Variants in VAV2 observed in about 807,000 individuals in gnomAD.
The protein encoded by VAV2 is guanine nucleotide exchange factor VAV2.
Under a neutral mutation model 132.5 loss-of-function variants are expected in VAV2, and 67 were observed. The observed-to-expected ratio is 0.51, with a 90% confidence interval of 0.42 to 0.62. The LOEUF (loss-of-function observed/expected upper bound fraction) is 0.62, where lower values mean the gene tolerates loss of function less well. Ranked by LOEUF, VAV2 falls within the 20% of genes least tolerant of loss-of-function variation. The probability of loss-of-function intolerance (pLI) is 0.00; values close to 1 mark genes in which losing one functional copy is unlikely to be tolerated. For synonymous variants in VAV2, 492 were observed against 443.5 expected, an observed-to-expected ratio of 1.11 and a Z score of -1.37; for missense variants, 938 against 1,153.6, an observed-to-expected ratio of 0.81 and a Z score of 2.71.
chr9:133,867,943 C>G (rs568218091), intron 2 of VAV2, among the ~76,000 whole-genome samples: 2 of 152,230 alleles, frequency 1.3e-5, no homozygotes, highest in South Asian at 4.1e-4. Flanking sequence ...ACACCGCCTA[C>G]AGGAATTGCT....
chr9:133,922,268 G>A (rs1046567507), intron 2 of VAV2, among the ~76,000 whole-genome samples: 23 of 152,360 alleles, frequency 1.5e-4, no homozygotes, highest in Admixed American at 2.0e-4. Context: ...ACCCCAGAGC[G>A]TCTACCTGCC....
At chr9:133,851,028 C>A (rs763811871) in intron 3 of VAV2, among the ~76,000 whole-genome samples, 1 of 152,228 alleles carries the variant, frequency 6.6e-6, no homozygotes, top group Non-Finnish European at 1.5e-5. Flanking sequence ...AAAACTGGAG[C>A]AGACACACAA....
intron 1 of VAV2, among the ~76,000 whole-genome samples, chr9:133,944,402 C>A (rs1841286729): frequency 6.6e-6 from 1 of 152,238 alleles, no homozygotes. Flanking sequence ...TTGCCTGAGT[C>A]ACATAGCCAG....
chr9:133,771,236 G>A (rs1017786258), intron 26 of VAV2, among the ~76,000 whole-genome samples: 1 of 151,954 alleles, frequency 6.6e-6, no homozygotes, highest in Non-Finnish European at 1.5e-5. Flanking sequence ...GCTAATTTTT[G>A]TATTTTTTGT....
Position 133,769,258 on chromosome 9 carries a change from G to A in VAV2, c.2434+159C>T, listed in dbSNP as rs561022317. 6.6e-5 allele frequency among the ~76,000 whole-genome samples: 10 copies of A among 152,290 alleles called. No individual in the cohort carries two copies. In the South Asian group the frequency reaches 1.5e-3, roughly 22 times the overall value. On this transcript the variant is annotated intron_variant, in intron 28 of 29. Transcript: ENST00000371850. The surrounding 1 kb of genome is among the most constrained non-coding windows in gnomAD (Gnocchi z 8.1). ...CAGGTGCTCGCAGCAGCCTCTGCCC[G>A]GCCTCCCCAGCCCCTTTCTCCCCTC... is the stretch of plus-strand genomic sequence containing the variant.
At chr9:133,854,253 CTGCACACACACACGCACATACCCATA>C (rs1204864421) in intron 3 of VAV2, among the ~76,000 whole-genome samples, 11 of 135,004 alleles carry the variant, frequency 8.1e-5, no homozygotes, top group African/African-American at 3.8e-4. Context: ...ATGCACTCAT[CTGCACACACACACGCACATACCCATA>C]TGCACACACA....
intron 13 of VAV2, among the ~76,000 whole-genome samples, chr9:133,791,154 G>A (rs752822155): frequency 2.6e-5 from 4 of 152,176 alleles, no homozygotes; most frequent in African/African-American, 4.8e-5. Flanking sequence ...AGTCGGCTCC[G>A]GTCAGCACAG....
chr9:133,775,462 G>A (rs1224418578), intron 24 of VAV2, among the ~76,000 whole-genome samples: 4 of 152,202 alleles, frequency 2.6e-5, no homozygotes, highest in Non-Finnish European at 1.5e-5. Context: ...CTGCTTATGT[G>A]GATTTTTTTG....
chr9:133,984,577 C>T (rs1055417381), intron 1 of VAV2, among the ~76,000 whole-genome samples: 1 of 152,164 alleles, frequency 6.6e-6, no homozygotes, highest in Non-Finnish European at 1.5e-5. Context: ...CACACCACTG[C>T]TCTTCAGTCT....
intron 26 of VAV2, 57 bp from the exon 27 acceptor site, chr9:133,770,558 A>C: frequency 1.9e-6 from 3 of 1,599,758 alleles, no homozygotes; most frequent in Non-Finnish European, 2.6e-6. Context: ...GTCCTCCCCC[A>C]GTGACCTGGC....
At position 133,871,232 on chromosome 9, in the gene VAV2, G is replaced by GTGGGCAGATGGATGGATGGA. The variant is rs546145239; in HGVS notation, c.322-9820_322-9801dup. On this transcript the variant is annotated intron_variant, in intron 2 of 29. Coordinates refer to ENST00000371850, the MANE Select transcript of VAV2 (RefSeq NM_001134398.2). The stretch of plus-strand genomic sequence containing the variant: ...GATGGATAAGTGGGTACGTAGGTGG[G>GTGGGCAGATGGATGGATGGA]TGGGCAGATGGATGGATGGATGGAC... Among the ~76,000 whole-genome samples the GTGGGCAGATGGATGGATGGA allele has an allele frequency of 9.2e-4, 135 of 146,926 alleles. 1 individual carries two copies. Among genetic ancestry groups the GTGGGCAGATGGATGGATGGA allele is most frequent in the African/African-American group, 3.3e-3 (127 of 38,762 alleles).
intron 27 of VAV2, 107 bp downstream of exon 27, chr9:133,770,271 T>TG: frequency 6.6e-7 from 1 of 1,522,654 alleles, no homozygotes; most frequent in Non-Finnish European, 8.9e-7. Context: ...TTCCCCAGGG[T>TG]GGGACTCCTG....
intron 15 of VAV2, 100 bp from the exon 16 acceptor site, chr9:133,787,360 G>A: frequency 2.2e-6 from 3 of 1,348,840 alleles, no homozygotes; most frequent in Non-Finnish European, 2.9e-6. Flanking sequence ...AGGAGCCCTG[G>A]CAGGTGGAAC....
chr9:133,927,257 G>A (rs976379213), intron 2 of VAV2, among the ~76,000 whole-genome samples: 9 of 152,116 alleles, frequency 5.9e-5, no homozygotes, highest in Non-Finnish European at 7.4e-5. Context: ...CACACCCACG[G>A]CAGACAACGC....
In VAV2 at chr9:133,774,973, C is replaced by T. The variant is rs756355766; in HGVS notation, c.2097G>A (p.Glu699=). Residue 699 remains glutamate (E), a synonymous_variant, in exon 25 of 30, where the codon GAG becomes GAA. Coordinates refer to ENST00000371850, the MANE Select transcript of VAV2 (RefSeq NM_001134398.2). Reference sequence around the variant, plus strand: ...CAAAGCGCTCAGCCTCGGCAGGCCGCTCCCTGATCAGGTAGGTCCCGCTGG... The same window carrying T: ...CAAAGCGCTCAGCCTCGGCAGGCCGTTCCCTGATCAGGTAGGTCCCGCTGG... ...SHASGTYLIR[E]RPAEAERFAI... 6.2e-7 allele frequency: 1 copy of T among 1,613,568 alleles called. No individual in the cohort carries two copies. Among genetic ancestry groups the T allele is most frequent in the East Asian group, 2.2e-5 (1 of 44,860 alleles).
At chr9:133,948,225 G>C (rs1032285292) in intron 1 of VAV2, among the ~76,000 whole-genome samples, 5 of 152,228 alleles carry the variant, frequency 3.3e-5, no homozygotes, top group Non-Finnish European at 7.3e-5. Flanking sequence ...GTCACGAGTT[G>C]ATTTTGTCTG....
In VAV2 at chr9:133,964,022, CATATATATATAT is replaced by C. The variant is rs10541639; in HGVS notation, c.205-24815_205-24804del. On this transcript the variant is annotated intron_variant, in intron 1 of 29. Coordinates refer to ENST00000371850, the MANE Select transcript of VAV2 (RefSeq NM_001134398.2). ...TAAACTTTAAAAAAAATTATTCATTCATATATATATATATATATATATATATACATATATATA... is the reference window on the plus strand; with the variant it reads ...TAAACTTTAAAAAAAATTATTCATTCATATATATATATATACATATATATA... 1.5e-3 allele frequency among the ~76,000 whole-genome samples: 145 copies of C among 93,858 alleles called. 1 individual carries two copies. The highest frequency in any genetic ancestry group is 4.0e-3 in the Admixed American group (31 of 7,712). 61.6% of individuals were successfully genotyped at this position (93,858 alleles called of 152,430 possible).
intron 1 of VAV2, among the ~76,000 whole-genome samples, chr9:133,976,291 T>A (rs2132273945): frequency 6.6e-6 from 1 of 151,694 alleles, no homozygotes; most frequent in East Asian, 1.9e-4. Flanking sequence ...TAGGATGGGG[T>A]CCCTCAACCC....
chr9:133,898,816 CTTTTTTTTTTTT>C (rs60943412), intron 2 of VAV2, among the ~76,000 whole-genome samples: 1 of 82,460 alleles, frequency 1.2e-5, no homozygotes, highest in Non-Finnish European at 2.4e-5. Context: ...CAGACCCTGC[CTTTTTTTTTTTT>C]TTTTTTTTTT....
Sources: allele counts gnomAD v4.1 joint callset (sites outside exome capture counted in the v4.1 genomes callset), GRCh38; gene constraint gnomAD v4.1.1; non-coding constraint Gnocchi (gnomAD v3.1); transcripts MANE v1.5; gene names NCBI Gene and HGNC (gene_info 2026-07-23, HGNC 2026-07-21).